The following ERBIN variants were observed in gnomAD, a reference collection of about 807,000 sequenced individuals.
The protein encoded by ERBIN is densin-180-like protein.
In ERBIN, 60 loss-of-function variants were observed where a neutral mutation model predicts 158.4. The observed-to-expected ratio is 0.38, with a 90% CI of 0.31 to 0.47. The LOEUF (loss-of-function observed/expected upper bound fraction) is 0.47. Among genes scored for constraint, ERBIN ranks in the 20% least tolerant of loss-of-function variants. The pLI is 0.99. For missense variants in ERBIN, 1,610 were observed against 1,648.0 expected (o/e 0.98, Z 0.40); for synonymous variants, 594 against 557.2 (o/e 1.07, Z -0.93).
At chr5:66,011,177 A>G (rs2151101337) in intron 4 of ERBIN, among the ~76,000 whole-genome samples, 1 of 152,292 alleles carries the variant, frequency 6.6e-6, no homozygotes, top group Non-Finnish European at 1.5e-5. Flanking sequence ...ACGTGAAGGG[A>G]AAAGGTTGAG....
At chr5:66,077,563 C>G (rs1762103316) in intron 25 of ERBIN, among the ~76,000 whole-genome samples, 1 of 151,936 alleles carries the variant, frequency 6.6e-6, no homozygotes, top group Non-Finnish European at 1.5e-5. Flanking sequence ...AGTTTAAATT[C>G]TGGTCCCAAC....
chr5:65,965,765 T>A (rs1344754296), intron 1 of ERBIN, among the ~76,000 whole-genome samples: 1 of 152,204 alleles, frequency 6.6e-6, no homozygotes, highest in Non-Finnish European at 1.5e-5. Flanking sequence ...TTCCTCTGAT[T>A]CCTCTCCCCT....
chr5:65,966,676 G>T, intron 1 of ERBIN, among the ~76,000 whole-genome samples: 2 of 68,356 alleles, frequency 2.9e-5, no homozygotes, highest in African/African-American at 6.6e-5. Context: ...GTGAAACTCT[G>T]TCTCAAAAAA....
At chr5:65,960,768 A>C (rs1747816705) in intron 1 of ERBIN, among the ~76,000 whole-genome samples, 2 of 152,180 alleles carry the variant, frequency 1.3e-5, no homozygotes, top group African/African-American at 2.4e-5. Context: ...ATCTTCCCTT[A>C]ATTTACAATC....
chr5:66,033,728 ATAGC>A (rs1043739255), intron 14 of ERBIN, among the ~76,000 whole-genome samples: 11 of 152,204 alleles, frequency 7.2e-5, no homozygotes, highest in Admixed American at 5.9e-4. Flanking sequence ...AAAGAAATTG[ATAGC>A]TAGCAGCAGG....
At chr5:66,028,005 G>C (rs988728281) in intron 13 of ERBIN, among the ~76,000 whole-genome samples, 1 of 151,942 alleles carries the variant, frequency 6.6e-6, no homozygotes, top group African/African-American at 2.4e-5. Flanking sequence ...TTTTTCAACA[G>C]ATTTTTAAGG....
intron 1 of ERBIN, among the ~76,000 whole-genome samples, chr5:65,954,245 G>T (rs928388364): frequency 6.6e-6 from 1 of 152,168 alleles, no homozygotes; most frequent in African/African-American, 2.4e-5. Context: ...AATAATCTGT[G>T]GGGGAGAGGA....
chr5:65,999,329 G>A (rs561750650), intron 4 of ERBIN, among the ~76,000 whole-genome samples: 2 of 152,272 alleles, frequency 1.3e-5, no homozygotes, highest in East Asian at 1.9e-4. Context: ...TTGTGCCATT[G>A]CACTCCAGCG....
At chr5:65,948,708 A>G (rs770473348) in intron 1 of ERBIN, among the ~76,000 whole-genome samples, 8 of 148,914 alleles carry the variant, frequency 5.4e-5, no homozygotes, top group Non-Finnish European at 8.9e-5. Context: ...GTAACAGACA[A>G]TTTCAGGACT....
intron 1 of ERBIN, among the ~76,000 whole-genome samples, chr5:65,980,274 G>A (rs7733829): frequency 0.04 from 6,091 of 151,982 alleles, 415 homozygotes; most frequent in African/African-American, 0.14. Flanking sequence ...AAATTAGCTG[G>A]GTGTGGTGTT....
chr5:66,062,513 T>A (rs1015419606), intron 21 of ERBIN, among the ~76,000 whole-genome samples: 1 of 151,544 alleles, frequency 6.6e-6, no homozygotes, highest in Non-Finnish European at 1.5e-5. Flanking sequence ...CGGAGTAGTT[T>A]GATCTTCTGA....
intron 3 of ERBIN, 113 bp downstream of exon 3, chr5:65,993,020 G>T: frequency 1.2e-6 from 1 of 844,286 alleles, no homozygotes; most frequent in South Asian, 2.5e-5. Context: ...TGAATTTTTT[G>T]GTTTAATTGT....
chr5:66,000,995 G>C (rs1006375077), intron 4 of ERBIN, among the ~76,000 whole-genome samples: 6 of 151,796 alleles, frequency 4.0e-5, no homozygotes, highest in African/African-American at 1.5e-4. Context: ...TGTTTGTATA[G>C]GTCTATTGTG....
chr5:66,039,313 C>T (rs1757715249), intron 15 of ERBIN, among the ~76,000 whole-genome samples: 1 of 151,824 alleles, frequency 6.6e-6, no homozygotes, highest in African/African-American at 2.4e-5. Context: ...CACTACAAAA[C>T]ACTCTGGAAC....
Position 66,050,922 on chromosome 5 carries a change from C to A in ERBIN, c.2043C>A (p.Cys681Ter). Reference protein sequence around the residue: ...NTDSSQDTSLCSPVKQTHIDI... With the variant: ...NTDSSQDTSL ...ATAGTAGTCAAGACACCTCACTCTGCTCTCCAGTGAAACAAACTCATATTG... is the reference window on the plus strand; with the variant it reads ...ATAGTAGTCAAGACACCTCACTCTGATCTCCAGTGAAACAAACTCATATTG... The change falls in exon 20 of 26, where the codon TGC becomes TGA. Residue 681 changes from cysteine (C) to a stop codon, truncating the protein, a stop_gained. Coordinates refer to ENST00000284037, the MANE Select transcript of ERBIN (RefSeq NM_001253697.2). LOFTEE classifies it high-confidence loss of function. 6.2e-7 allele frequency: 1 copy of A among 1,605,908 alleles called. No homozygotes were observed. The highest frequency in any genetic ancestry group is 8.5e-7 in the Non-Finnish European group (1 of 1,177,812).
intron 13 of ERBIN, among the ~76,000 whole-genome samples, chr5:66,027,576 T>C (rs1489463895): frequency 6.6e-6 from 1 of 152,072 alleles, no homozygotes; most frequent in Admixed American, 6.5e-5. Flanking sequence ...TGTTATTCCC[T>C]AAACAATACA....
intron 21 of ERBIN, among the ~76,000 whole-genome samples, chr5:66,065,006 A>G (rs1296966571): frequency 1.3e-5 from 2 of 152,304 alleles, no homozygotes; most frequent in East Asian, 1.9e-4. Flanking sequence ...TGCCAAATCA[A>G]TATTTTTTTA....
At chr5:66,022,811 A>T (rs1276500435) in intron 8 of ERBIN, 1 of 152,650 alleles carries the variant, frequency 6.6e-6, no homozygotes, top group Non-Finnish European at 1.5e-5. Flanking sequence ...TTCCCTGATT[A>T]TGGACATTTA....
chr5:66,052,512 T>C (rs1330429086), intron 20 of ERBIN, among the ~76,000 whole-genome samples: 1 of 152,198 alleles, frequency 6.6e-6, no homozygotes, highest in African/African-American at 2.4e-5. Flanking sequence ...AAATTTTATT[T>C]ATTGTTGGGA....
Sources: allele counts gnomAD v4.1 joint callset (sites outside exome capture counted in the v4.1 genomes callset), GRCh38; gene constraint gnomAD v4.1.1; transcripts MANE v1.5; gene names NCBI Gene and HGNC (gene_info 2026-07-23, HGNC 2026-07-21).